The following PHACTR2 variants were observed in gnomAD, a reference collection of about 807,000 sequenced individuals.
The protein encoded by PHACTR2 is phosphatase and actin regulator 2.
Under a neutral mutation model 76.0 loss-of-function variants are expected in PHACTR2, and 30 were observed. The ratio of observed to expected loss-of-function variants is 0.39; its 90% CI spans 0.30 to 0.54. The LOEUF (loss-of-function observed/expected upper bound fraction) is 0.54, where lower values mean the gene tolerates loss of function less well. Ranked by LOEUF, PHACTR2 falls within the 20% of genes least tolerant of loss-of-function variation. PHACTR2 has a pLI of 0.61. For synonymous variants in PHACTR2, 292 were observed against 292.5 expected, an observed-to-expected ratio of 1.00 and a Z score of 0.02; for missense variants, 696 against 781.1, an observed-to-expected ratio of 0.89 and a Z score of 1.30.
At position 143,679,391 on chromosome 6, in the gene PHACTR2, G is replaced by T. The variant is rs1193701151; in HGVS notation, c.46+1182G>T. On this transcript the variant is annotated intron_variant, in intron 1 of 12. Coordinates refer to ENST00000440869, the MANE Select transcript of PHACTR2 (RefSeq NM_001100164.2). This position sits in a 1 kb window ranked among gnomAD's most constrained non-coding sequence, Gnocchi z 4.6. ...ACATGGCTACAGCTCTGAAATCAAA[G>T]ACCTCATGTTGACAGCTTTTTGAGA... 6.6e-6 allele frequency among the ~76,000 whole-genome samples: 1 copy of T among 152,156 alleles called. No individual in the cohort carries two copies. Among genetic ancestry groups the T allele is most frequent in the Non-Finnish European group, 1.5e-5 (1 of 68,022 alleles).
rs1259116267 is a variant in PHACTR2 at position 143,829,445 on chromosome 6, A to G, written c.*5756A>G. 6.6e-6 allele frequency: 1 copy of G among 152,170 alleles called. No homozygotes were observed. The highest frequency in any genetic ancestry group is 2.4e-5 in the African/African-American group (1 of 41,428). 9.4% of individuals were successfully genotyped at this position (152,170 alleles called of 1,614,324 possible). On this transcript the variant is annotated 3_prime_UTR_variant, in exon 13 of 13. Coordinates refer to ENST00000440869, the MANE Select transcript of PHACTR2 (RefSeq NM_001100164.2). ...CATTTAATTCACACACAAATGCTTG[A>G]ATTTCCCCTGTATAAATGTAGTCAT...
intron 6 of PHACTR2, among the ~76,000 whole-genome samples, chr6:143,770,700 T>A (rs1013541621): frequency 6.6e-6 from 1 of 152,096 alleles, no homozygotes; most frequent in Non-Finnish European, 1.5e-5. Context: ...CTGGAAGAAC[T>A]TTTTACCAGA....
chr6:143,705,585 C>T (rs1026650640), intron 1 of PHACTR2, among the ~76,000 whole-genome samples: 3 of 152,300 alleles, frequency 2.0e-5, no homozygotes, highest in Middle Eastern at 3.4e-3. Flanking sequence ...CATGAGCCAC[C>T]GTGCCTGGCC....
rs1360328966 is a variant in PHACTR2 at position 143,672,015 on chromosome 6, A to C, written c.14-40001A>C. Among the ~76,000 whole-genome samples the C allele has an allele frequency of 6.6e-6, 1 of 152,208 alleles. No individual in the cohort carries two copies. Among genetic ancestry groups the C allele is most frequent in the Non-Finnish European group, 1.5e-5 (1 of 68,032 alleles). ...TTCCATTTGTAAGAAATTTTAGATA[A>C]ATCAAAAGTATGGACATGGAAAGCA... On this transcript the variant is annotated intron_variant, in intron 1 of 11. Transcript: ENST00000305766. This position sits in a 1 kb window ranked among gnomAD's most constrained non-coding sequence, Gnocchi z 5.8.
rs946556836 is a variant in PHACTR2 at position 143,826,263 on chromosome 6, C to T, written c.*2574C>T. On this transcript the variant is annotated 3_prime_UTR_variant, in exon 13 of 13. Transcript: ENST00000440869. Reference sequence around the variant, plus strand: ...GGCCACCCAGCCAGAGGTCTCCTACCTGGGGGCCCTAAAGGGATGCAGAGG... The same window carrying T: ...GGCCACCCAGCCAGAGGTCTCCTACTTGGGGGCCCTAAAGGGATGCAGAGG... 2.0e-5 allele frequency: 3 copies of T among 152,240 alleles called. No homozygotes were observed. Among genetic ancestry groups the T allele is most frequent in the African/African-American group, 7.2e-5 (3 of 41,456 alleles). The allele number at this position is 152,240 out of a possible 1,614,324, so 9.4% of individuals were successfully genotyped here.
rs1775072926 is a variant in PHACTR2 at position 143,550,122 on chromosome 6, G to C, written c.217+12915G>C. 6.6e-6 allele frequency among the ~76,000 whole-genome samples: 1 copy of C among 152,046 alleles called. No individual in the cohort carries two copies. The highest frequency in any genetic ancestry group is 2.4e-5 in the African/African-American group (1 of 41,422). On this transcript the variant is annotated intron_variant, in intron 1 of 11. Coordinates refer to the PHACTR2 transcript ENST00000367584. This position sits in a 1 kb window ranked among gnomAD's most constrained non-coding sequence, Gnocchi z 4.8. ...CCCACTCTGAGTTCACATATGAGTAGATGACAGAGTCGTATTATCTAATGT... is the reference window on the plus strand; with the variant it reads ...CCCACTCTGAGTTCACATATGAGTACATGACAGAGTCGTATTATCTAATGT...
chr6:143,586,274 TC>T (rs61024756), intron 1 of PHACTR2, among the ~76,000 whole-genome samples: 10,525 of 152,328 alleles, frequency 0.069, 473 homozygotes, highest in East Asian at 0.22. Context: ...TGACTGTTTA[TC>T]TTATTTTTCT....
At position 143,585,736 on chromosome 6, in the gene PHACTR2, A is replaced by G. The variant is rs1460920549; in HGVS notation, c.217+48529A>G. Among the ~76,000 whole-genome samples the G allele has an allele frequency of 6.6e-6, 1 of 152,188 alleles. No homozygotes were observed. The highest frequency in any genetic ancestry group is 2.4e-5 in the African/African-American group (1 of 41,448). The stretch of plus-strand genomic sequence containing the variant: ...TGTGTGCGAATGAACTCTGTGAGCA[A>G]TTTTGTCCCCCAGCTCCTCAAAATG... On this transcript the variant is annotated intron_variant, in intron 1 of 11. Transcript: ENST00000367584. The surrounding 1 kb of genome is among the most constrained non-coding windows in gnomAD (Gnocchi z 5.2).
rs970266323 is a variant in PHACTR2, at chr6:143,591,769, A to G, written c.217+54562A>G. ...CCACCTTGGCCTCCTCCAATTATCC[A>G]TCTCTCCCAGGGTAGGGAATGTGGA... On this transcript the variant is annotated intron_variant, in intron 1 of 11. Coordinates refer to the PHACTR2 transcript ENST00000367584. This position sits in a 1 kb window ranked among gnomAD's most constrained non-coding sequence, Gnocchi z 6.4. Among the ~76,000 whole-genome samples, 3 of 152,142 alleles carry G rather than the reference A, an allele frequency of 2.0e-5. No individual in the cohort carries two copies. The highest frequency in any genetic ancestry group is 4.4e-5 in the Non-Finnish European group (3 of 68,022).
At chr6:143,615,058 A>T (rs1013245039) in intron 1 of PHACTR2, among the ~76,000 whole-genome samples, 3 of 152,180 alleles carry the variant, frequency 2.0e-5, no homozygotes, top group African/African-American at 7.2e-5. Flanking sequence ...TACTTTTTTG[A>T]GTGTCCATTA....
chr6:143,723,294 C>G (rs930426576), intron 2 of PHACTR2, among the ~76,000 whole-genome samples: 1 of 152,230 alleles, frequency 6.6e-6, no homozygotes, highest in African/African-American at 2.4e-5. Context: ...CTCAGGACTT[C>G]TGACTAGCTA....
At position 143,546,269 on chromosome 6, in the gene PHACTR2, C is replaced by T. The variant is rs12206238; in HGVS notation, c.217+9062C>T. Among the ~76,000 whole-genome samples, 7,639 of 152,014 alleles carry T rather than the reference C, an allele frequency of 0.05. 259 individuals carry two copies. The highest frequency in any genetic ancestry group is 0.075 in the South Asian group (361 of 4,816). On this transcript the variant is annotated intron_variant, in intron 1 of 11. Transcript: ENST00000367584. The surrounding 1 kb of genome is among the most constrained non-coding windows in gnomAD (Gnocchi z 4.9). ...TGGCTAAAATTTGACATTTATATGC[C>T]TTACTTTGCAGTTTCTTGATACCTC...
rs1584051171 is a variant in PHACTR2 at position 143,547,201 on chromosome 6, G to A, written c.217+9994G>A. Among the ~76,000 whole-genome samples the A allele has an allele frequency of 1.3e-5, 2 of 152,272 alleles. No individual in the cohort carries two copies. Among genetic ancestry groups the A allele is most frequent in the East Asian group, 1.9e-4 (1 of 5,176 alleles). On this transcript the variant is annotated intron_variant, in intron 1 of 11. Coordinates refer to the PHACTR2 transcript ENST00000367584. This position sits in a 1 kb window ranked among gnomAD's most constrained non-coding sequence, Gnocchi z 4.2. ...AACAAAAGTTTTGTGACTAAAATAT[G>A]TGACCCATATTTTTATCCTCTTGCC...
At chr6:143,564,156 T>A (rs1427414085) in intron 1 of PHACTR2, among the ~76,000 whole-genome samples, 1 of 142,536 alleles carries the variant, frequency 7.0e-6, no homozygotes, top group Non-Finnish European at 1.5e-5. Flanking sequence ...CTTAGTTATA[T>A]GTGTGTGTGC....
rs1775498272 is a variant in PHACTR2 at position 143,784,169 on chromosome 6, C to T, written c.1707+889C>T. ...GTAATTTGTTACTCCTGAAGATTTC[C>T]CACTATTCCACATCACAGCTGGGTA... On this transcript the variant is annotated intron_variant, in intron 10 of 12. Transcript: ENST00000440869. This position sits in a 1 kb window ranked among gnomAD's most constrained non-coding sequence, Gnocchi z 4.5. Among the ~76,000 whole-genome samples the T allele has an allele frequency of 6.6e-6, 1 of 152,038 alleles. No homozygotes were observed. Among genetic ancestry groups the T allele is most frequent in the Non-Finnish European group, 1.5e-5 (1 of 68,004 alleles).
rs1158069815 is a variant in PHACTR2 at position 143,831,185 on chromosome 6, A to G, written c.*7496A>G. ...TAGAAAATAAACAGACTTCCTCATT[A>G]TGCTTGCTATTTAATGTATTACAAG... On this transcript the variant is annotated 3_prime_UTR_variant, in exon 13 of 13. Transcript: ENST00000440869. This position sits in a 1 kb window ranked among gnomAD's most constrained non-coding sequence, Gnocchi z 5.2. 2 of 152,182 alleles carry G rather than the reference A, an allele frequency of 1.3e-5. No homozygotes were observed. The highest frequency in any genetic ancestry group is 2.9e-5 in the Non-Finnish European group (2 of 68,046). 9.4% of individuals were successfully genotyped at this position (152,182 alleles called of 1,614,324 possible).
chr6:143,756,714 A>G (rs79422121), intron 4 of PHACTR2, among the ~76,000 whole-genome samples: 1 of 135,764 alleles, frequency 7.4e-6, no homozygotes, highest in Non-Finnish European at 1.6e-5. Flanking sequence ...AAAAAAAAAA[A>G]AGAGCAGAAA....
Position 143,616,721 on chromosome 6 carries a change from A to C in PHACTR2, c.13+8399A>C, listed in dbSNP as rs75879795. 7.6e-4 allele frequency among the ~76,000 whole-genome samples: 116 copies of C among 152,318 alleles called. No individual in the cohort carries two copies. In the East Asian group the frequency reaches 0.019, roughly 26 times the overall value. ...CTTGGGGTTGTGATCAGTGCTGCTA[A>C]GTTAATCAACTGGTATTTGGATAAG... is the stretch of plus-strand genomic sequence containing the variant. On this transcript the variant is annotated intron_variant, in intron 1 of 11. Coordinates refer to the PHACTR2 transcript ENST00000305766. This position sits in a 1 kb window ranked among gnomAD's most constrained non-coding sequence, Gnocchi z 4.9.
chr6:143,727,289 TC>T (rs1236043305), intron 2 of PHACTR2, among the ~76,000 whole-genome samples: 2 of 147,720 alleles, frequency 1.4e-5, no homozygotes, highest in East Asian at 3.8e-4. Flanking sequence ...AGGATTTTAT[TC>T]TTTTTTTTTT....
Sources: allele counts gnomAD v4.1 joint callset (sites outside exome capture counted in the v4.1 genomes callset), GRCh38; gene constraint gnomAD v4.1.1; non-coding constraint Gnocchi (gnomAD v3.1); transcripts MANE v1.5; gene names NCBI Gene and HGNC (gene_info 2026-07-23, HGNC 2026-07-21).